PPM1L: variants seen among roughly 807,000 people sequenced by gnomAD.
PPM1L encodes the protein protein phosphatase, Mg2+/Mn2+ dependent 1L, also known as protein phosphatase 1L.
Under a neutral mutation model 31.4 loss-of-function variants are expected in PPM1L, and 13 were observed. The ratio of observed to expected loss-of-function variants is 0.41; its 90% CI spans 0.27 to 0.66. The LOEUF is 0.66. Ranked by LOEUF, PPM1L falls within the 30% of genes least tolerant of loss-of-function variation. The pLI is 0.29. For synonymous variants in PPM1L, 184 were observed against 175.4 expected (o/e 1.05, Z -0.39); for missense variants, 326 against 453.7 (o/e 0.72, Z 2.56).
chr3:160,986,681 G>A (rs1716976377), intron 2 of PPM1L, among the ~76,000 whole-genome samples: 1 of 152,086 alleles, frequency 6.6e-6, no homozygotes, highest in Non-Finnish European at 1.5e-5. Context: ...CCTGCAGAGG[G>A]GCCTGGGAAG....
chr3:161,006,273 A>C (rs1326325457), intron 2 of PPM1L, among the ~76,000 whole-genome samples: 2 of 152,220 alleles, frequency 1.3e-5, no homozygotes, highest in African/African-American at 2.4e-5. Context: ...ATACTGTATG[A>C]GTCTATTAAT....
intron 1 of PPM1L, among the ~76,000 whole-genome samples, chr3:160,809,491 A>G (rs1712744518): frequency 6.6e-6 from 1 of 152,150 alleles, no homozygotes; most frequent in Non-Finnish European, 1.5e-5. Context: ...GTGGGAGTTC[A>G]GAGTATATTT....
intron 2 of PPM1L, among the ~76,000 whole-genome samples, chr3:161,058,137 T>TTTTTTTTTTTTTTTTTTTTTC (rs1719469439): frequency 7.5e-6 from 1 of 133,006 alleles, no homozygotes; most frequent in South Asian, 2.5e-4. Flanking sequence ...TTTTTTTTTT[T>TTTTTTTTTTTTTTTTTTTTTC]TTTTTGACGC....
chr3:161,015,548 C>T (rs929315334), intron 2 of PPM1L, among the ~76,000 whole-genome samples: 1 of 152,308 alleles, frequency 6.6e-6, no homozygotes, highest in South Asian at 2.1e-4. Context: ...TGACACCTAC[C>T]ACCTGGGACC....
intron 1 of PPM1L, among the ~76,000 whole-genome samples, chr3:160,899,656 G>A (rs1021605981): frequency 4.6e-5 from 7 of 152,096 alleles, no homozygotes; most frequent in African/African-American, 9.7e-5. Flanking sequence ...TTATTTAATA[G>A]TTGTCAGAAT....
At chr3:160,773,455 A>G (rs1560103424) in intron 1 of PPM1L, among the ~76,000 whole-genome samples, 1 of 152,224 alleles carries the variant, frequency 6.6e-6, no homozygotes, top group Non-Finnish European at 1.5e-5. Context: ...GCTGAGAAGT[A>G]CAGCCTAGAA....
intron 1 of PPM1L, among the ~76,000 whole-genome samples, chr3:160,847,406 A>G (rs376741389): frequency 6.6e-6 from 1 of 152,216 alleles, no homozygotes; most frequent in Non-Finnish European, 1.5e-5. Context: ...TCAAATAGAT[A>G]TGCTCAATTG....
At chr3:160,920,315 C>T (rs980086544) in intron 1 of PPM1L, among the ~76,000 whole-genome samples, 5 of 152,242 alleles carry the variant, frequency 3.3e-5, no homozygotes, top group East Asian at 1.9e-4. Flanking sequence ...CCCAACTGCA[C>T]TCCCAGCTTG....
intron 2 of PPM1L, among the ~76,000 whole-genome samples, chr3:161,043,842 G>A (rs991908205): frequency 1.3e-5 from 2 of 152,090 alleles, no homozygotes; most frequent in Non-Finnish European, 2.9e-5. Flanking sequence ...TGGAGAGGAT[G>A]TATCTGGTGG....
At chr3:160,909,533 C>G (rs1713882096) in intron 1 of PPM1L, among the ~76,000 whole-genome samples, 1 of 152,144 alleles carries the variant, frequency 6.6e-6, no homozygotes. Context: ...CAGGAGTTGC[C>G]TGGGTTCAGA....
chr3:160,997,235 A>G (rs892954214), intron 2 of PPM1L, among the ~76,000 whole-genome samples: 1 of 152,180 alleles, frequency 6.6e-6, no homozygotes, highest in Non-Finnish European at 1.5e-5. Context: ...TAGTCATTAA[A>G]TGAATGAGGA....
chr3:160,833,286 G>A (rs1576660135), intron 1 of PPM1L, among the ~76,000 whole-genome samples: 1 of 152,324 alleles, frequency 6.6e-6, no homozygotes, highest in African/African-American at 2.4e-5. Context: ...TATATACCCA[G>A]TAATGGGATT....
intron 2 of PPM1L, among the ~76,000 whole-genome samples, chr3:160,971,901 C>G (rs1576752605): frequency 6.6e-6 from 1 of 152,226 alleles, no homozygotes; most frequent in South Asian, 2.1e-4. Flanking sequence ...GTAGCTGATA[C>G]TACAGGTTTA....
At chr3:160,806,141 T>A (rs1205103769) in intron 1 of PPM1L, among the ~76,000 whole-genome samples, 1 of 152,172 alleles carries the variant, frequency 6.6e-6, no homozygotes, top group Non-Finnish European at 1.5e-5. Flanking sequence ...TGTGTTTATA[T>A]CCACTGTCTG....
intron 1 of PPM1L, among the ~76,000 whole-genome samples, chr3:160,856,276 C>G (rs1221630449): frequency 1.3e-5 from 2 of 152,056 alleles, no homozygotes; most frequent in African/African-American, 2.4e-5. Context: ...ATCCTTCAGT[C>G]CAATCAAGTT....
chr3:160,919,233 GC>G (rs1189665600), intron 1 of PPM1L, among the ~76,000 whole-genome samples: 1 of 152,174 alleles, frequency 6.6e-6, no homozygotes, highest in South Asian at 2.1e-4. Flanking sequence ...TGCTCTACAA[GC>G]CTTTTCTGAG....
chr3:160,906,602 T>TAAAGAAAAGAAAAGAAAAGA (rs746931085), intron 1 of PPM1L, among the ~76,000 whole-genome samples: 118 of 97,998 alleles, frequency 1.2e-3, no homozygotes, highest in African/African-American at 5.1e-3. Context: ...CTCTGTCTCA[T>TAAAGAAAAGAAAAGAAAAGA]AAAGAAAAGA....
At chr3:160,992,383 G>A (rs951919715) in intron 2 of PPM1L, among the ~76,000 whole-genome samples, 2 of 152,138 alleles carry the variant, frequency 1.3e-5, no homozygotes, top group African/African-American at 4.8e-5. Context: ...CGGAGATAAT[G>A]ACAAGTGTAG....
At chr3:161,066,123 C>T (rs930366985) in intron 3 of PPM1L, among the ~76,000 whole-genome samples, 1 of 152,218 alleles carries the variant, frequency 6.6e-6, no homozygotes, top group African/African-American at 2.4e-5. Flanking sequence ...CTCCTATTTG[C>T]CTTGCCTTCC....
Sources: allele counts gnomAD v4.1 joint callset (sites outside exome capture counted in the v4.1 genomes callset), GRCh38; gene constraint gnomAD v4.1.1; transcripts MANE v1.5; gene names NCBI Gene and HGNC (gene_info 2026-07-23, HGNC 2026-07-21).